The following DENND4C variants were observed in gnomAD, a reference collection of about 807,000 sequenced individuals.
DENND4C encodes DENN domain containing 4C, also known as DENN domain-containing protein 4C.
A neutral mutation model predicts 203.0 loss-of-function variants in DENND4C; 108 were observed. That is an observed-to-expected ratio of 0.53 (90% CI 0.46 to 0.62). The LOEUF (loss-of-function observed/expected upper bound fraction) is 0.62. DENND4C is among the 20% of genes least tolerant of loss of function. The pLI is 0.00. For missense variants in DENND4C, 2,481 were observed against 2,301.2 expected, an observed-to-expected ratio of 1.08 and a Z score of -1.60; for synonymous variants, 871 against 792.4, an observed-to-expected ratio of 1.10 and a Z score of -1.67.
chr9:19,268,916 T>A (rs893908487), intron 1 of DENND4C, among the ~76,000 whole-genome samples: 1 of 152,186 alleles, frequency 6.6e-6, no homozygotes, highest in African/African-American at 2.4e-5. Flanking sequence ...GAGGTAGTTT[T>A]GAGTTAAATT....
intron 9 of DENND4C, among the ~76,000 whole-genome samples, chr9:19,304,048 T>A (rs72700404): frequency 0.019 from 2,632 of 138,738 alleles, 46 homozygotes; most frequent in South Asian, 0.054. Context: ...CTGTCTTTTT[T>A]AAAAAAAAAA....
intron 4 of DENND4C, among the ~76,000 whole-genome samples, chr9:19,288,939 A>G (rs1295828050): frequency 6.6e-6 from 1 of 152,254 alleles, no homozygotes; most frequent in Non-Finnish European, 1.5e-5. Flanking sequence ...GTCTACGTTA[A>G]TAGACTTAAC....
intron 12 of DENND4C, among the ~76,000 whole-genome samples, chr9:19,319,027 G>T (rs1279508898): frequency 6.6e-6 from 1 of 151,824 alleles, no homozygotes; most frequent in Non-Finnish European, 1.5e-5. Context: ...AAATTAGCCA[G>T]GCATGGTGGT....
chr9:19,303,237 G>T (rs558914503), intron 9 of DENND4C, among the ~76,000 whole-genome samples: 59 of 152,068 alleles, frequency 3.9e-4, no homozygotes, highest in African/African-American at 1.4e-3. Context: ...GCAGCACTTT[G>T]GATTTTGGAT....
intron 10 of DENND4C, among the ~76,000 whole-genome samples, chr9:19,315,589 G>A (rs1841677096): frequency 6.7e-6 from 1 of 150,258 alleles, no homozygotes; most frequent in Non-Finnish European, 1.5e-5. Flanking sequence ...GTACATATAT[G>A]TATGTGTGTG....
intron 1 of DENND4C, among the ~76,000 whole-genome samples, chr9:19,238,780 A>G (rs886342262): frequency 2.0e-5 from 3 of 147,486 alleles, no homozygotes; most frequent in African/African-American, 7.6e-5. Flanking sequence ...CAGCCTCCTA[A>G]GTAGTCGGGA....
intron 25 of DENND4C, 149 bp downstream of exon 25, chr9:19,352,331 A>G (rs1563833432): frequency 3.9e-6 from 4 of 1,019,460 alleles, no homozygotes; most frequent in Non-Finnish European, 5.6e-6. Flanking sequence ...TATGTAAGTA[A>G]GACATTGAAC....
intron 30 of DENND4C, among the ~76,000 whole-genome samples, chr9:19,365,212 A>C (rs562994458): frequency 6.6e-6 from 1 of 152,360 alleles, no homozygotes; most frequent in South Asian, 2.1e-4. Flanking sequence ...ACCATGACAA[A>C]GTGGGATTTA....
intron 1 of DENND4C, among the ~76,000 whole-genome samples, chr9:19,243,198 T>G (rs566761801): frequency 3.3e-5 from 5 of 152,208 alleles, no homozygotes; most frequent in Non-Finnish European, 7.3e-5. Context: ...TTTTCTGACT[T>G]TATAGATTTA....
In DENND4C at chr9:19,335,102, T is replaced by C; in HGVS notation, c.2586T>C (p.Asn862=). The C allele has an allele frequency of 6.3e-7, 1 of 1,591,590 alleles. No individual in the cohort carries two copies. The highest frequency in any genetic ancestry group is 1.2e-5 in the South Asian group (1 of 86,672). The change falls in exon 18 of 33, where the codon AAT becomes AAC. Residue 862 remains asparagine (N), a synonymous_variant. Coordinates refer to ENST00000434457, the MANE Select transcript of DENND4C (RefSeq NM_001330640.2). ...ATGCTATTACTTATGGTTATTATAATAAGGTAAGTAGGATCGACATTAGGC... is the reference window on the plus strand; with the variant it reads ...ATGCTATTACTTATGGTTATTATAACAAGGTAAGTAGGATCGACATTAGGC... ...KPNAITYGYY[N]KVVLESPWPS...
In DENND4C at chr9:19,357,168, C is replaced by T. The variant is rs61613662; in HGVS notation, c.4964+14C>T. 3,562 of 1,613,282 alleles carry T rather than the reference C, an allele frequency of 2.2e-3. 61 individuals carry two copies. In the African/African-American group the frequency reaches 0.038, roughly 17 times the overall value. Reference sequence around the variant, plus strand: ...AGTTGAACCAAGGTATCAAAGGGTACAGAGACCTCTTTATGTAGTAATAAA... The same window carrying T: ...AGTTGAACCAAGGTATCAAAGGGTATAGAGACCTCTTTATGTAGTAATAAA... On this transcript the variant is annotated intron_variant, in intron 27 of 32. Coordinates refer to ENST00000434457, the MANE Select transcript of DENND4C (RefSeq NM_001330640.2).
At chr9:19,322,731 CAAA>C (rs35416492) in intron 12 of DENND4C, among the ~76,000 whole-genome samples, 2 of 65,554 alleles carry the variant, frequency 3.1e-5, no homozygotes, top group East Asian at 5.8e-4. Flanking sequence ...GACTTCATCT[CAAA>C]AAAAAAAAAA....
chr9:19,280,136 G>GCCGGCCTT (rs1554717082), intron 2 of DENND4C, among the ~76,000 whole-genome samples: 3 of 43,032 alleles, frequency 7.0e-5, no homozygotes, highest in African/African-American at 2.4e-4. Context: ...CTGCCTACCT[G>GCCGGCCTT]CCTGCCTTCC....
chr9:19,362,801 T>C (rs1000004981), intron 30 of DENND4C, among the ~76,000 whole-genome samples: 3 of 152,222 alleles, frequency 2.0e-5, no homozygotes, highest in Admixed American at 6.5e-5. Context: ...TTTTTAATCT[T>C]TTAGAGTATA....
intron 9 of DENND4C, among the ~76,000 whole-genome samples, chr9:19,302,676 G>T (rs536663153): frequency 6.6e-6 from 1 of 152,180 alleles, no homozygotes; most frequent in African/African-American, 2.4e-5. Flanking sequence ...GTCCTTGCAG[G>T]GTCCTTTGTG....
chr9:19,363,708 A>G (rs1827009273), intron 30 of DENND4C, among the ~76,000 whole-genome samples: 1 of 151,908 alleles, frequency 6.6e-6, no homozygotes, highest in Admixed American at 6.6e-5. Flanking sequence ...ATAACTTTAT[A>G]TTTTAAAAAA....
intron 2 of DENND4C, among the ~76,000 whole-genome samples, chr9:19,282,660 C>G (rs1048223187): frequency 3.4e-5 from 5 of 149,200 alleles, no homozygotes; most frequent in African/African-American, 1.2e-4. Context: ...ATAGCTGGCA[C>G]TAGCTTGGTT....
At position 19,361,887 on chromosome 9, in the gene DENND4C, T is replaced by C. The variant is rs1267857332; in HGVS notation, c.5448T>C (p.Tyr1816=). The change falls in exon 30 of 33, where the codon TAT becomes TAC. Residue 1816 remains tyrosine, a synonymous_variant. Transcript: ENST00000434457. ...SSLSQDSKLV[Y]IQLLWDNINL... is the part of the protein sequence containing the mutation. The stretch of plus-strand genomic sequence containing the variant: ...TGTCCCAGGATAGCAAACTTGTGTA[T>C]ATTCAGCTGTTATGGGATAATATCA... 34 of 1,612,652 alleles carry C rather than the reference T, an allele frequency of 2.1e-5. No individual in the cohort carries two copies. The highest frequency in any genetic ancestry group is 2.9e-5 in the Non-Finnish European group (34 of 1,178,788).
At chr9:19,246,656 T>G (rs1825349628) in intron 1 of DENND4C, among the ~76,000 whole-genome samples, 1 of 152,116 alleles carries the variant, frequency 6.6e-6, no homozygotes, top group Admixed American at 6.6e-5. Context: ...AACTCATCTA[T>G]GTTCATCTAT....
Sources: gnomAD v4.1 joint callset for allele counts (sites outside exome capture counted in the v4.1 genomes callset) on GRCh38, gnomAD v4.1.1 for gene constraint, MANE v1.5 for transcripts, NCBI Gene and HGNC (gene_info 2026-07-23, HGNC 2026-07-21) for gene names.